CEP128: variants seen among roughly 807,000 people sequenced by gnomAD.
CEP128 encodes the protein centrosomal protein 128kDa.
CEP128 carries 132 observed loss-of-function variants against 156.7 expected under a neutral mutation model. The ratio of observed to expected loss-of-function variants is 0.84; its 90% CI spans 0.73 to 0.97. The LOEUF is 0.97. Ranked by LOEUF, CEP128 falls within the 50% of genes least tolerant of loss-of-function variation. The probability of loss-of-function intolerance (pLI) is 0.00; values close to 1 mark genes in which losing one functional copy is unlikely to be tolerated. For synonymous variants in CEP128, 469 were observed against 448.9 expected (o/e 1.04, Z -0.57); for missense variants, 1,252 against 1,281.9 (o/e 0.98, Z 0.36).
intron 19 of CEP128, among the ~76,000 whole-genome samples, chr14:80,585,150 C>T (rs1033230827): frequency 5.9e-5 from 9 of 152,164 alleles, no homozygotes; most frequent in Admixed American, 5.2e-4. Flanking sequence ...GGAGAAAAAG[C>T]CATATAAAAA....
At chr14:80,507,084 C>T (rs1294498519) in intron 23 of CEP128, among the ~76,000 whole-genome samples, 2 of 151,858 alleles carry the variant, frequency 1.3e-5, no homozygotes, top group East Asian at 3.9e-4. Flanking sequence ...GCTTCACCTT[C>T]TGCCATGAGT....
At chr14:80,553,019 T>C (rs1458804027) in intron 21 of CEP128, among the ~76,000 whole-genome samples, 1 of 152,056 alleles carries the variant, frequency 6.6e-6, no homozygotes, top group Non-Finnish European at 1.5e-5. Context: ...TACTCAACAA[T>C]TTTTTTGTTC....
chr14:80,512,301 T>G (rs1888297649), intron 23 of CEP128, among the ~76,000 whole-genome samples: 1 of 152,086 alleles, frequency 6.6e-6, no homozygotes, highest in African/African-American at 2.4e-5. Context: ...TCTTCCTGAA[T>G]GCACCCCTTT....
chr14:80,552,463 T>C (rs1890249824), intron 21 of CEP128, among the ~76,000 whole-genome samples: 1 of 152,218 alleles, frequency 6.6e-6, no homozygotes, highest in South Asian at 2.1e-4. Flanking sequence ...CCAGCTCTCT[T>C]TGAACATTAC....
intron 2 of CEP128, 46 bp from the exon 3 acceptor site, chr14:80,916,608 T>C (rs1232856167): frequency 6.1e-6 from 9 of 1,484,684 alleles, no homozygotes; most frequent in South Asian, 2.4e-5. Flanking sequence ...GTAAAAAGCA[T>C]GGAAATAAAA....
chr14:80,650,031 A>T (rs555961190), intron 19 of CEP128, among the ~76,000 whole-genome samples: 2 of 152,034 alleles, frequency 1.3e-5, no homozygotes, highest in Non-Finnish European at 2.9e-5. Context: ...CATGATATTG[A>T]TTCTTCCTAT....
chr14:80,515,212 C>T (rs1215557075), intron 23 of CEP128, among the ~76,000 whole-genome samples: 1 of 152,182 alleles, frequency 6.6e-6, no homozygotes, highest in East Asian at 1.9e-4. Flanking sequence ...GTCATGTTCA[C>T]TCAAGGCCTG....
At chr14:80,663,777 G>A (rs1377069955) in intron 19 of CEP128, among the ~76,000 whole-genome samples, 1 of 152,198 alleles carries the variant, frequency 6.6e-6, no homozygotes, top group Non-Finnish European at 1.5e-5. Flanking sequence ...GGAAACTGCA[G>A]AGCCCAATTA....
At chr14:80,520,067 A>G (rs1331507167) in intron 23 of CEP128, among the ~76,000 whole-genome samples, 2 of 152,188 alleles carry the variant, frequency 1.3e-5, no homozygotes, top group African/African-American at 4.8e-5. Context: ...CAGTACTTCT[A>G]ACTATGCAAA....
At chr14:80,495,600 G>A (rs1887466420), downstream of CEP128, among the ~76,000 whole-genome samples, 1 of 151,998 alleles carries the variant, frequency 6.6e-6, no homozygotes, top group East Asian at 1.9e-4. Flanking sequence ...TGGCTACTAT[G>A]TTTTCAAGCA....
At chr14:80,931,830 A>AGACT in intron 2 of CEP128, among the ~76,000 whole-genome samples, 1 of 152,370 alleles carries the variant, frequency 6.6e-6, no homozygotes, top group South Asian at 2.1e-4. Context: ...ATTTTGAAAG[A>AGACT]GACTGAGCCA....
At chr14:80,613,293 T>A (rs978003721) in intron 19 of CEP128, among the ~76,000 whole-genome samples, 130 of 1,762 alleles carry the variant, frequency 0.074, no homozygotes, top group African/African-American at 0.12. Context: ...ATGGAGAGCA[T>A]TTTTTTTTTT....
Position 80,619,367 on chromosome 14 carries a change from GACACACACACACAC to G in CEP128, c.2807-38958_2807-38945del, listed in dbSNP as rs34190837. 1.6e-3 allele frequency among the ~76,000 whole-genome samples: 219 copies of G among 139,470 alleles called. 1 individual carries two copies. Among genetic ancestry groups the G allele is most frequent in the African/African-American group, 5.6e-3 (207 of 36,824 alleles). The allele number at this position is 139,470 out of a possible 152,430, so 91.5% of individuals were successfully genotyped here. A position where few individuals can be genotyped will look rare whatever the true frequency, so the allele number is the denominator to read the frequency against. On this transcript the variant is annotated intron_variant, in intron 19 of 24. Coordinates refer to ENST00000555265, the MANE Select transcript of CEP128 (RefSeq NM_152446.5). ...GTTTTAAATGATTTAAAGACACACA[GACACACACACACAC>G]ACACACACACACACACACACACACA...
rs1901775430 is a variant in CEP128, at chr14:80,792,726, T to C, written c.1560+34A>G. 1.9e-6 allele frequency: 3 copies of C among 1,556,336 alleles called. No individual in the cohort carries two copies. In the South Asian group the frequency reaches 3.4e-5, roughly 18 times the overall value. On this transcript the variant is annotated intron_variant, in intron 14 of 24. Transcript: ENST00000555265. ...AGATGAATGAATGGTTGAATCACAT[T>C]GAAAACCGTTCCTTAGGAATGTGGC...
chr14:80,644,183 C>T (rs1477465351), intron 19 of CEP128, among the ~76,000 whole-genome samples: 1 of 152,200 alleles, frequency 6.6e-6, no homozygotes, highest in Non-Finnish European at 1.5e-5. Flanking sequence ...CATGGTCCTG[C>T]CAACACCTTG....
chr14:80,927,151 G>C (rs1039423007), intron 2 of CEP128, among the ~76,000 whole-genome samples: 2 of 152,200 alleles, frequency 1.3e-5, no homozygotes, highest in Admixed American at 6.5e-5. Context: ...TACTCCTAGG[G>C]TAAGGGGGCG....
In CEP128 at chr14:80,900,027, A is replaced by C. The variant is rs760064896; in HGVS notation, c.483T>G (p.Leu161=). 6.2e-7 allele frequency: 1 copy of C among 1,605,584 alleles called. No homozygotes were observed. The highest frequency in any genetic ancestry group is 1.1e-5 in the South Asian group (1 of 90,034). ...CTCGAAGAGACTGATGAAAACCATGAAGCTAGCAAAGGCAAAACACAGTTA... is the reference window on the plus strand; with the variant it reads ...CTCGAAGAGACTGATGAAAACCATGCAGCTAGCAAAGGCAAAACACAGTTA... ...FVQETDDMTQ[L]HGFHQSLRDL... is the part of the protein sequence containing the mutation. Residue 161 remains leucine (L), a splice_region_variant and synonymous_variant, in exon 7 of 25, where the codon CTT becomes CTG. Transcript: ENST00000555265.
intron 19 of CEP128, among the ~76,000 whole-genome samples, chr14:80,678,891 C>A (rs976961386): frequency 2.6e-5 from 4 of 152,148 alleles, no homozygotes; most frequent in African/African-American, 9.7e-5. Context: ...GGCAGAGGAA[C>A]ATAAATTGTG....
intron 19 of CEP128, among the ~76,000 whole-genome samples, chr14:80,705,236 A>C (rs1362411139): frequency 6.6e-6 from 1 of 152,016 alleles, no homozygotes; most frequent in Non-Finnish European, 1.5e-5. Flanking sequence ...TAGGCCTCTT[A>C]AATCCCTTTT....
Sources: allele counts gnomAD v4.1 joint callset (sites outside exome capture counted in the v4.1 genomes callset), GRCh38; gene constraint gnomAD v4.1.1; transcripts MANE v1.5; gene names NCBI Gene and HGNC (gene_info 2026-07-23, HGNC 2026-07-21).